The following FBP2 variants were observed in gnomAD, a reference collection of about 807,000 sequenced individuals.
The protein encoded by FBP2 is fructose-1,6-bisphosphatase isozyme 2.
In FBP2, 27 loss-of-function variants were observed where a neutral mutation model predicts 31.6. The ratio of observed to expected loss-of-function variants is 0.85; its 90% CI spans 0.63 to 1.18. The LOEUF (loss-of-function observed/expected upper bound fraction) is 1.18, where lower values mean the gene tolerates loss of function less well. FBP2 is among the 50% of genes most tolerant of loss of function. FBP2 has a pLI of 0.00. For synonymous variants in FBP2, 168 were observed against 179.8 expected (o/e 0.93, Z 0.53); for missense variants, 421 against 436.1 (o/e 0.97, Z 0.31).
chr9:94,586,549 G>C (rs1256677177), intron 2 of FBP2: 1 of 152,202 alleles, frequency 6.6e-6, no homozygotes, highest in Non-Finnish European at 1.5e-5. Flanking sequence ...GTGTGATGTA[G>C]CTAAAATTAT....
At chr9:94,568,119 C>T (rs1827219339) in intron 4 of FBP2, 2 of 79,966 alleles carry the variant, frequency 2.5e-5, no homozygotes, top group Admixed American at 2.7e-4. Flanking sequence ...CAGAGCAAGA[C>T]TCCATCTCAA....
intron 3 of FBP2, among the ~76,000 whole-genome samples, chr9:94,573,268 G>C (rs1056636393): frequency 6.6e-6 from 1 of 152,158 alleles, no homozygotes; most frequent in Admixed American, 6.5e-5. Flanking sequence ...AAGACTTTCT[G>C]TTTTTTCAGA....
At chr9:94,569,892 C>T (rs1038963714) in intron 4 of FBP2, 1 of 152,266 alleles carries the variant, frequency 6.6e-6, no homozygotes, top group Non-Finnish European at 1.5e-5. Flanking sequence ...ATGCTGCCTC[C>T]ATAAGCTACT....
chr9:94,565,910 CTAAT>C (rs1451467487), intron 5 of FBP2, among the ~76,000 whole-genome samples: 2 of 152,138 alleles, frequency 1.3e-5, no homozygotes, highest in Admixed American at 1.3e-4. Context: ...TTGCCCTTGA[CTAAT>C]TACACCCATT....
chr9:94,571,376 C>G (rs1207412435), intron 4 of FBP2, 86 bp downstream of exon 4: 1 of 1,347,796 alleles, frequency 7.4e-7, no homozygotes, highest in Non-Finnish European at 9.9e-7. Flanking sequence ...TTAGGAATAA[C>G]CAGGACATTA....
At chr9:94,565,415 G>A (rs536238989) in intron 5 of FBP2, among the ~76,000 whole-genome samples, 50 of 151,514 alleles carry the variant, frequency 3.3e-4, no homozygotes, top group African/African-American at 1.1e-3. Flanking sequence ...TTTGAGGGTG[G>A]AGTATCTTAC....
intron 5 of FBP2, 71 bp downstream of exon 5, chr9:94,567,199 A>G: frequency 6.5e-7 from 1 of 1,544,594 alleles, no homozygotes; most frequent in Non-Finnish European, 8.9e-7. Context: ...AAAGCCCCTG[A>G]AGCCACCACC....
At chr9:94,580,623 A>G (rs886398788) in intron 3 of FBP2, among the ~76,000 whole-genome samples, 1 of 152,232 alleles carries the variant, frequency 6.6e-6, no homozygotes, top group Admixed American at 6.5e-5. Context: ...GCCTTTTAAC[A>G]TCTTTAACTT....
At chr9:94,586,300 G>A (rs1166009117) in intron 2 of FBP2, among the ~76,000 whole-genome samples, 2 of 152,156 alleles carry the variant, frequency 1.3e-5, no homozygotes, top group Non-Finnish European at 1.5e-5. Flanking sequence ...GCTTGAACCC[G>A]GGAGGCAGAG....
Position 94,587,369 on chromosome 9 carries a change from T to C in FBP2, c.271A>G (p.Ser91Gly), listed in dbSNP as rs769379179. Reference sequence around the variant, plus strand: ...TCTTCTGAGACCAGGACGCAGGTACTATAGGAGGATTGGACCATGTTGATC... The same window carrying C: ...TCTTCTGAGACCAGGACGCAGGTACCATAGGAGGATTGGACCATGTTGATC... ...LVINMVQSSYSTCVLVSEENK... is the reference protein window; with the variant it reads ...LVINMVQSSYGTCVLVSEENK... The change falls in exon 2 of 7, where the codon AGT becomes GGT. Residue 91 changes from serine (S) to glycine (G), a missense_variant. By Grantham distance (56) the Ser-to-Gly change is moderately conservative. Transcript: ENST00000375337. 1.9e-6 allele frequency: 3 copies of C among 1,614,096 alleles called. No individual in the cohort carries two copies. The highest frequency in any genetic ancestry group is 2.5e-6 in the Non-Finnish European group (3 of 1,179,998).
In FBP2 at chr9:94,585,322, C is replaced by T. The variant is rs191719852; in HGVS notation, c.334-653G>A. Among the ~76,000 whole-genome samples, 26 of 152,194 alleles carry T rather than the reference C, an allele frequency of 1.7e-4. No individual in the cohort carries two copies. In the East Asian group the frequency reaches 4.8e-3, roughly 28 times the overall value. On this transcript the variant is annotated intron_variant, in intron 2 of 6. Transcript: ENST00000375337. ...CATGCATGCATGCATTCAGCAGATA[C>T]ATGTTGAGCTTCCAGCATATGCTGG...
chr9:94,587,244 A>C, intron 2 of FBP2, 63 bp downstream of exon 2: 1 of 1,416,966 alleles, frequency 7.1e-7, no homozygotes, highest in Non-Finnish European at 9.6e-7. Context: ...AAAGTAAGGC[A>C]GCTTATTTCC....
chr9:94,581,794 C>T (rs979502274), intron 3 of FBP2, among the ~76,000 whole-genome samples: 7 of 152,324 alleles, frequency 4.6e-5, no homozygotes, highest in South Asian at 2.1e-4. Context: ...TGGCAGGAAG[C>T]GGGATCAGAC....
At chr9:94,571,407 G>A in intron 4 of FBP2, 55 bp downstream of exon 4, 1 of 1,497,724 alleles carries the variant, frequency 6.7e-7, no homozygotes, top group Non-Finnish European at 9.0e-7. Context: ...CTGGCATTAA[G>A]GCACAGAGGC....
rs1827268422 is a variant in FBP2 at position 94,571,505 on chromosome 9, G to A, written c.524C>T (p.Ala175Val). 4 of 1,613,838 alleles carry A rather than the reference G, an allele frequency of 2.5e-6. No homozygotes were observed. Among genetic ancestry groups the A allele is most frequent in the East Asian group, 4.5e-5 (2 of 44,886 alleles). ...GTCCACGCCTTGCCCTGTGGAGAGA[G>A]CCACCAGGGTTGCACTACCGTACAG... ...YALYGSATLV[A>V]LSTGQGVDLF... Residue 175 changes from alanine to valine, a missense_variant, in exon 4 of 7, where the codon GCT (alanine) becomes GTT (valine). Transcript: ENST00000375337.
chr9:94,559,213 G>A (rs980267344), intron 6 of FBP2, 81 bp from the exon 7 acceptor site: 20 of 1,291,478 alleles, frequency 1.5e-5, no homozygotes, highest in Non-Finnish European at 1.8e-5. Flanking sequence ...TGGGGGAGGA[G>A]TTTGTACTGC....
At chr9:94,582,056 T>C (rs549200012) in intron 3 of FBP2, among the ~76,000 whole-genome samples, 4 of 152,202 alleles carry the variant, frequency 2.6e-5, no homozygotes, top group Non-Finnish European at 4.4e-5. Flanking sequence ...ACCCCCAGGC[T>C]CTTGTTCCAC....
chr9:94,592,700 A>G (rs945455760), intron 1 of FBP2, among the ~76,000 whole-genome samples: 4 of 151,926 alleles, frequency 2.6e-5, no homozygotes, highest in African/African-American at 9.7e-5. Context: ...ACACCCAACT[A>G]ATTTTTGTAT....
At chr9:94,592,597 C>T (rs1354297774) in intron 1 of FBP2, among the ~76,000 whole-genome samples, 1 of 152,154 alleles carries the variant, frequency 6.6e-6, no homozygotes, top group Admixed American at 6.5e-5. Flanking sequence ...TGCAGTGGTA[C>T]GATCTCGACT....
Sources: allele counts gnomAD v4.1 joint callset (sites outside exome capture counted in the v4.1 genomes callset), GRCh38; gene constraint gnomAD v4.1.1; transcripts MANE v1.5; gene names NCBI Gene and HGNC (gene_info 2026-07-23, HGNC 2026-07-21).